Variants in CACNB4 observed in about 807,000 individuals in gnomAD.
The protein encoded by CACNB4 is voltage-dependent L-type calcium channel subunit beta-4.
A neutral mutation model predicts 71.2 loss-of-function variants in CACNB4; 32 were observed. The observed-to-expected ratio is 0.45, with a 90% confidence interval of 0.34 to 0.60. The LOEUF is 0.60. Among genes scored for constraint, CACNB4 ranks in the 20% least tolerant of loss-of-function variants. The probability of loss-of-function intolerance (pLI) is 0.01; values close to 1 mark genes in which losing one functional copy is unlikely to be tolerated. For synonymous variants in CACNB4, 231 were observed against 236.9 expected (o/e 0.97, Z 0.23); for missense variants, 464 against 647.9 (o/e 0.72, Z 3.08).
chr2:151,865,514 T>A (rs62175664), intron 9 of CACNB4, among the ~76,000 whole-genome samples: 4,250 of 152,316 alleles, frequency 0.028, 52 homozygotes, highest in Middle Eastern at 0.034. Flanking sequence ...GGATTTGAAA[T>A]GATTGGCATA....
chr2:151,910,167 C>T (rs546223796), intron 2 of CACNB4, among the ~76,000 whole-genome samples: 26 of 152,142 alleles, frequency 1.7e-4, no homozygotes, highest in Admixed American at 4.6e-4. Context: ...GTTTGTTGGC[C>T]GCATAAATGT....
At chr2:151,954,715 G>T (rs533600118) in intron 2 of CACNB4, among the ~76,000 whole-genome samples, 7 of 152,188 alleles carry the variant, frequency 4.6e-5, no homozygotes, top group Non-Finnish European at 8.8e-5. Flanking sequence ...GAAGTTGAAA[G>T]AATCCTATTT....
At position 151,838,927 on chromosome 2, in the gene CACNB4, C is replaced by A; in HGVS notation, c.*192G>T. The A allele has an allele frequency of 6.2e-6, 3 of 481,008 alleles. No homozygotes were observed. Among genetic ancestry groups the A allele is most frequent in the Non-Finnish European group, 1.1e-5 (3 of 270,390 alleles). 29.8% of individuals were successfully genotyped at this position (481,008 alleles called of 1,614,324 possible). On this transcript the variant is annotated 3_prime_UTR_variant, in exon 14 of 14. Coordinates refer to ENST00000539935, the MANE Select transcript of CACNB4 (RefSeq NM_000726.5). ...TTGCACTTAAAAATATCTATATGAT[C>A]GGGCATCTAATATCCATCTAGACTC... is the stretch of plus-strand genomic sequence containing the variant.
intron 2 of CACNB4, among the ~76,000 whole-genome samples, chr2:151,914,156 G>A (rs1008546407): frequency 1.3e-5 from 2 of 152,028 alleles, no homozygotes; most frequent in African/African-American, 2.4e-5. Flanking sequence ...CATATTTCTT[G>A]GAGGCTTTGT....
At chr2:151,869,761 G>T (rs149124926) in intron 8 of CACNB4, 1 of 172,398 alleles carries the variant, frequency 5.8e-6, no homozygotes, top group African/African-American at 2.4e-5. Flanking sequence ...GAGAAAGAGA[G>T]GGGGATAGAG....
Position 151,869,119 on chromosome 2 carries a change from T to A in CACNB4, c.758+58A>T. The A allele has an allele frequency of 5.1e-6, 5 of 977,510 alleles. No individual in the cohort carries two copies. The South Asian group carries it at 7.0e-5, about 14-fold the overall frequency. The allele number at this position is 977,510 out of a possible 1,614,324, so 60.6% of individuals were successfully genotyped here. A position where few individuals can be genotyped will look rare whatever the true frequency, so the allele number is the denominator to read the frequency against. ...TGGAAACATAGATCTACAATTCAAT[T>A]TATCACACAAGTTTGGTTAAAGGAA... On this transcript the variant is annotated intron_variant, in intron 9 of 13. Coordinates refer to ENST00000539935, the MANE Select transcript of CACNB4 (RefSeq NM_000726.5).
intron 2 of CACNB4, among the ~76,000 whole-genome samples, chr2:152,047,258 G>T (rs910540843): frequency 2.0e-5 from 3 of 151,928 alleles, no homozygotes; most frequent in African/African-American, 7.2e-5. Context: ...GATGGAAAAT[G>T]TCAACCGCTG....
intron 2 of CACNB4, among the ~76,000 whole-genome samples, chr2:151,997,533 C>A (rs1174986066): frequency 3.4e-5 from 5 of 149,112 alleles, no homozygotes; most frequent in Admixed American, 6.6e-5. Context: ...GACTCTGTCT[C>A]AAAAAAAAAG....
Position 152,033,776 on chromosome 2 carries a change from G to T in CACNB4, c.147+64554C>A, listed in dbSNP as rs544790823. ...GAGGACTTTAAGGCCAAAGTCACAT[G>T]AAATAAAGAGAAAAATGAAAAATGT... On this transcript the variant is annotated intron_variant, in intron 2 of 13. Coordinates refer to ENST00000539935, the MANE Select transcript of CACNB4 (RefSeq NM_000726.5). Among the ~76,000 whole-genome samples, 270 of 152,302 alleles carry T rather than the reference G, an allele frequency of 1.8e-3. 1 individual carries two copies. The highest frequency in any genetic ancestry group is 6.2e-3 in the African/African-American group (259 of 41,570).
At chr2:151,961,318 C>T (rs1476451683) in intron 2 of CACNB4, among the ~76,000 whole-genome samples, 1 of 152,206 alleles carries the variant, frequency 6.6e-6, no homozygotes, top group Non-Finnish European at 1.5e-5. Context: ...TCCACAGAGA[C>T]CTCTGGGTAT....
At chr2:152,049,938 C>A (rs921335203) in intron 2 of CACNB4, among the ~76,000 whole-genome samples, 1 of 152,254 alleles carries the variant, frequency 6.6e-6, no homozygotes, top group African/African-American at 2.4e-5. Flanking sequence ...AATGTGTCGA[C>A]TTGTCTGCAA....
chr2:151,958,584 T>C (rs142260610), intron 2 of CACNB4, among the ~76,000 whole-genome samples: 1 of 151,456 alleles, frequency 6.6e-6, no homozygotes, highest in East Asian at 1.9e-4. Flanking sequence ...AAAGTGGGAG[T>C]TCCTCTTCCT....
At chr2:151,980,956 C>G (rs1386573344) in intron 2 of CACNB4, among the ~76,000 whole-genome samples, 2 of 152,092 alleles carry the variant, frequency 1.3e-5, no homozygotes, top group Admixed American at 6.6e-5. Flanking sequence ...CACACTTCAC[C>G]CTTTGCACAA....
chr2:151,917,295 C>T (rs2099857762), intron 2 of CACNB4, among the ~76,000 whole-genome samples: 1 of 152,138 alleles, frequency 6.6e-6, no homozygotes, highest in Non-Finnish European at 1.5e-5. Context: ...CAAGCAAAAC[C>T]TGTTTGGCTC....
intron 2 of CACNB4, among the ~76,000 whole-genome samples, chr2:151,935,721 C>T (rs1018127085): frequency 2.6e-5 from 4 of 152,210 alleles, no homozygotes; most frequent in Non-Finnish European, 2.9e-5. Context: ...ATTATCAAAA[C>T]ATGCAATGTC....
intron 2 of CACNB4, among the ~76,000 whole-genome samples, chr2:151,975,970 A>G (rs148372187): frequency 2.0e-5 from 3 of 152,360 alleles, no homozygotes; most frequent in East Asian, 3.9e-4. Flanking sequence ...TAAACTGTAC[A>G]TAGCTCGGCT....
chr2:151,876,135 A>C (rs1225887416), intron 5 of CACNB4, among the ~76,000 whole-genome samples: 1 of 152,024 alleles, frequency 6.6e-6, no homozygotes, highest in East Asian at 1.9e-4. Flanking sequence ...GCTCCCACTC[A>C]CTGTGTGGAG....
At chr2:152,069,026 C>T (rs1013870421) in intron 2 of CACNB4, among the ~76,000 whole-genome samples, 2 of 152,146 alleles carry the variant, frequency 1.3e-5, no homozygotes, top group African/African-American at 4.8e-5. Context: ...TTGGCACTCA[C>T]GCATGTGCAA....
chr2:151,844,779 G>A (rs2099837099), intron 12 of CACNB4, among the ~76,000 whole-genome samples: 1 of 152,200 alleles, frequency 6.6e-6, no homozygotes, highest in African/African-American at 2.4e-5. Flanking sequence ...CAGAACAAAG[G>A]ACCAGTCTTT....
Sources: gnomAD v4.1 joint callset for allele counts (sites outside exome capture counted in the v4.1 genomes callset) on GRCh38, gnomAD v4.1.1 for gene constraint, MANE v1.5 for transcripts, NCBI Gene and HGNC (gene_info 2026-07-23, HGNC 2026-07-21) for gene names.